Variants in PCSK5 observed in about 807,000 individuals in gnomAD.
PCSK5 encodes the protein prohormone convertase 5.
Under a neutral mutation model 233.2 loss-of-function variants are expected in PCSK5, and 129 were observed. The observed-to-expected ratio is 0.55, with a 90% confidence interval of 0.48 to 0.64. PCSK5 has a LOEUF of 0.64. Among genes scored for constraint, PCSK5 ranks in the 30% least tolerant of loss-of-function variants. The pLI is 0.00. For missense variants in PCSK5, 2,076 were observed against 2,430.1 expected (o/e 0.85, Z 3.06); for synonymous variants, 825 against 879.2 (o/e 0.94, Z 1.09).
chr9:76,040,325 GTCTCTCTCTCTC>G (rs757550088), intron 5 of PCSK5, among the ~76,000 whole-genome samples: 760 of 78,982 alleles, frequency 9.6e-3, no homozygotes, highest in African/African-American at 0.014. Flanking sequence ...TGTGTTCTCT[GTCTCTCTCTCTC>G]TCTCTCTCTC....
rs376287595 is a variant in PCSK5 at position 76,296,775 on chromosome 9, G to A, written c.3433G>A (p.Glu1145Lys). Reference sequence around the variant, plus strand: ...AACCTGCACAGGCCCTGGTCATGACGAGTGCAGCAGCTGCCAGGAAGGACT... The same window carrying A: ...AACCTGCACAGGCCCTGGTCATGACAAGTGCAGCAGCTGCCAGGAAGGACT... ...CETCTGPGHD[E>K]CSSCQEGLQL... Residue 1145 changes from glutamate to lysine, a missense_variant, in exon 27 of 38, where the codon GAG becomes AAG. Around this residue, in one of 6 missense-constraint regions of PCSK5, gnomAD observed 1,510 missense variants for 1,538.1 expected, o/e 0.98. Coordinates refer to ENST00000674117, the MANE Select transcript of PCSK5 (RefSeq NM_001372043.1). 20 of 1,611,576 alleles carry A rather than the reference G, an allele frequency of 1.2e-5. No individual in the cohort carries two copies. Among genetic ancestry groups the A allele is most frequent in the African/African-American group, 4.0e-5 (3 of 74,990 alleles).
chr9:76,114,985 G>A (rs147620601), intron 9 of PCSK5, among the ~76,000 whole-genome samples: 220 of 151,994 alleles, frequency 1.4e-3, no homozygotes, highest in African/African-American at 3.9e-3. Flanking sequence ...GAGAGAAGTG[G>A]GTAGATTTGA....
intron 5 of PCSK5, among the ~76,000 whole-genome samples, chr9:76,035,316 A>C (rs938231640): frequency 1.3e-5 from 2 of 152,202 alleles, no homozygotes. Flanking sequence ...AATATAGAAA[A>C]TGATTATCTA....
chr9:76,021,210 T>A (rs1007209175), intron 3 of PCSK5, among the ~76,000 whole-genome samples: 2 of 152,142 alleles, frequency 1.3e-5, no homozygotes, highest in African/African-American at 4.8e-5. Context: ...TATTGCTTGG[T>A]CTTCTAAGGG....
chr9:76,212,390 G>C (rs1320927741), intron 20 of PCSK5, among the ~76,000 whole-genome samples: 6 of 152,302 alleles, frequency 3.9e-5, no homozygotes, highest in African/African-American at 1.4e-4. Context: ...TGTGTGTCTT[G>C]TTGATATCAC....
intron 20 of PCSK5, chr9:76,194,304 C>A (rs1587743851): frequency 6.6e-6 from 1 of 152,036 alleles, no homozygotes; most frequent in African/African-American, 2.4e-5. Context: ...GGATATGATG[C>A]AGGAAATCTC....
At chr9:76,313,159 A>C (rs1162839096) in intron 30 of PCSK5, among the ~76,000 whole-genome samples, 3 of 152,154 alleles carry the variant, frequency 2.0e-5, no homozygotes, top group Non-Finnish European at 4.4e-5. Context: ...TACACATCAA[A>C]TACATGGTGT....
At chr9:76,071,575 A>G (rs1469338967) in intron 6 of PCSK5, 151 bp from the exon 7 acceptor site, 2 of 650,850 alleles carry the variant, frequency 3.1e-6, no homozygotes, top group Non-Finnish European at 5.2e-6. Context: ...ACTGCCTGCA[A>G]AGTATACATT....
intron 20 of PCSK5, among the ~76,000 whole-genome samples, chr9:76,212,914 T>C (rs1273101798): frequency 6.6e-6 from 1 of 152,224 alleles, no homozygotes; most frequent in Non-Finnish European, 1.5e-5. Flanking sequence ...AATATGGATC[T>C]GGCTTTCCCA....
chr9:76,301,099 C>T (rs780113892), intron 27 of PCSK5, among the ~76,000 whole-genome samples: 1 of 151,958 alleles, frequency 6.6e-6, no homozygotes, highest in Non-Finnish European at 1.5e-5. Context: ...TGGTGAAACC[C>T]TGTCTCTACT....
intron 2 of PCSK5, among the ~76,000 whole-genome samples, chr9:75,977,983 G>T (rs557419166): frequency 1.7e-4 from 26 of 152,208 alleles, no homozygotes; most frequent in Admixed American, 1.7e-3. Flanking sequence ...ATTATGTAAA[G>T]AAAGATCATA....
At position 76,134,005 on chromosome 9, in the gene PCSK5, G is replaced by T; in HGVS notation, c.1209-104G>T. On this transcript the variant is annotated intron_variant, in intron 9 of 37. Transcript: ENST00000674117. The stretch of plus-strand genomic sequence containing the variant: ...CCAAATCTCTGACCCTTTGTTTTTA[G>T]TACTTTGCCATTTTGATTTTGCTTT... 1.9e-5 allele frequency: 14 copies of T among 748,924 alleles called. 1 individual carries two copies. In the South Asian group the frequency reaches 2.1e-4, roughly 11 times the overall value. 46.4% of individuals were successfully genotyped at this position (748,924 alleles called of 1,614,324 possible).
At chr9:76,351,737 A>T (rs1393534295) in intron 36 of PCSK5, among the ~76,000 whole-genome samples, 3 of 144,270 alleles carry the variant, frequency 2.1e-5, no homozygotes, top group East Asian at 4.0e-4. Flanking sequence ...GAAACCATGA[A>T]TTTTTTTTTT....
intron 7 of PCSK5, among the ~76,000 whole-genome samples, chr9:76,092,127 G>A (rs1341445665): frequency 6.6e-6 from 1 of 152,038 alleles, no homozygotes; most frequent in African/African-American, 2.4e-5. Flanking sequence ...GGGGACTTGG[G>A]GGTTGGAAAC....
At chr9:76,022,267 C>A (rs913930252) in intron 3 of PCSK5, among the ~76,000 whole-genome samples, 1 of 152,182 alleles carries the variant, frequency 6.6e-6, no homozygotes, top group Non-Finnish European at 1.5e-5. Flanking sequence ...TTGCGCACAG[C>A]CATACCCTAG....
chr9:76,012,214 C>T (rs984489085), intron 3 of PCSK5, among the ~76,000 whole-genome samples: 3 of 152,214 alleles, frequency 2.0e-5, no homozygotes, highest in East Asian at 1.9e-4. Context: ...CTAGCTATTA[C>T]GGGGTAAACC....
At chr9:76,073,727 A>G (rs1355193117) in intron 7 of PCSK5, among the ~76,000 whole-genome samples, 2 of 152,148 alleles carry the variant, frequency 1.3e-5, no homozygotes, top group African/African-American at 4.8e-5. Flanking sequence ...GCGCATATAT[A>G]TATATAAAGA....
chr9:76,251,635 C>G (rs1300283684), intron 24 of PCSK5, among the ~76,000 whole-genome samples: 1 of 151,398 alleles, frequency 6.6e-6, no homozygotes, highest in East Asian at 1.9e-4. Flanking sequence ...TTAATATTCT[C>G]TTTGCTGATT....
chr9:76,196,830 CTT>C (rs1006805524), intron 20 of PCSK5, among the ~76,000 whole-genome samples: 21 of 152,248 alleles, frequency 1.4e-4, no homozygotes, highest in African/African-American at 5.1e-4. Context: ...GCCACATAGA[CTT>C]GAAACAAATT....
Sources: gnomAD v4.1 joint callset for allele counts (sites outside exome capture counted in the v4.1 genomes callset) on GRCh38, gnomAD v4.1.1 for gene constraint, gnomAD v4.1.1 regional missense constraint, MANE v1.5 for transcripts, NCBI Gene and HGNC (gene_info 2026-07-23, HGNC 2026-07-21) for gene names.